Variants in TRRAP observed in about 807,000 individuals in gnomAD.
The protein encoded by TRRAP is transformation/transcription domain-associated protein.
In TRRAP, 41 loss-of-function variants were observed where a neutral mutation model predicts 438.8. The ratio of observed to expected loss-of-function variants is 0.09; its 90% CI spans 0.07 to 0.12. The LOEUF is 0.12. Ranked by LOEUF, TRRAP falls within the 10% of genes least tolerant of loss-of-function variation. TRRAP has a pLI of 1.00. For synonymous variants in TRRAP, 1,994 were observed against 1,962.9 expected (o/e 1.02, Z -0.42); for missense variants, 3,122 against 5,055.1 (o/e 0.62, Z 11.60).
chr7:98,942,046 T>G (rs1200679642), intron 30 of TRRAP, among the ~76,000 whole-genome samples: 4 of 152,234 alleles, frequency 2.6e-5, no homozygotes, highest in African/African-American at 7.2e-5. Context: ...AATATGCAAC[T>G]GTTATTGAAT....
intron 3 of TRRAP, among the ~76,000 whole-genome samples, chr7:98,885,740 C>T (rs1377544280): frequency 6.6e-6 from 1 of 152,056 alleles, no homozygotes; most frequent in Non-Finnish European, 1.5e-5. Flanking sequence ...ATTGGAAGAA[C>T]TGATCTGAGA....
At chr7:98,889,861 A>G (rs922354540) in intron 3 of TRRAP, among the ~76,000 whole-genome samples, 1 of 152,068 alleles carries the variant, frequency 6.6e-6, no homozygotes, top group Non-Finnish European at 1.5e-5. Flanking sequence ...AGCCCTTCCT[A>G]TTCTACTTTT....
At chr7:98,887,755 A>G (rs1554404186) in intron 3 of TRRAP, among the ~76,000 whole-genome samples, 1 of 139,798 alleles carries the variant, frequency 7.2e-6, no homozygotes, top group Non-Finnish European at 1.6e-5. Flanking sequence ...AAAAAACTGC[A>G]ATGGTTTTCT....
At chr7:98,978,409 T>A (rs1792767178) in intron 57 of TRRAP, 86 bp downstream of exon 57, 1 of 1,239,622 alleles carries the variant, frequency 8.1e-7, no homozygotes, top group Non-Finnish European at 1.2e-6. Context: ...TAATGAGCGT[T>A]TTTTAAAGAA....
At chr7:98,940,739 C>A (rs1299787157) in intron 30 of TRRAP, among the ~76,000 whole-genome samples, 1 of 152,184 alleles carries the variant, frequency 6.6e-6, no homozygotes, top group Non-Finnish European at 1.5e-5. Context: ...CTGGACTTAA[C>A]GTTGACGGTG....
intron 6 of TRRAP, among the ~76,000 whole-genome samples, chr7:98,894,298 T>C (rs1796097083): frequency 6.6e-6 from 1 of 152,164 alleles, no homozygotes. Context: ...ACAATAATCA[T>C]AGTATGTCCT....
At chr7:98,983,587 G>A (rs764072381) in intron 60 of TRRAP, 128 bp downstream of exon 60, 45 of 1,048,796 alleles carry the variant, frequency 4.3e-5, no homozygotes, top group Non-Finnish European at 6.1e-5. Flanking sequence ...CTATTTTGGG[G>A]TAGGGAATGA....
At chr7:98,989,607 A>T (rs981819096) in intron 63 of TRRAP, among the ~76,000 whole-genome samples, 2 of 152,236 alleles carry the variant, frequency 1.3e-5, no homozygotes, top group Admixed American at 1.3e-4. Flanking sequence ...TTTAACATAA[A>T]AATTTGGAAT....
intron 26 of TRRAP, among the ~76,000 whole-genome samples, chr7:98,933,031 AAGAG>A (rs1182697303): frequency 4.7e-5 from 7 of 150,308 alleles, no homozygotes; most frequent in South Asian, 2.1e-4. Flanking sequence ...TTAATTTTTA[AAGAG>A]AGAGAGGTTA....
At chr7:98,957,487 T>G (rs1297110928) in intron 43 of TRRAP, among the ~76,000 whole-genome samples, 2 of 152,242 alleles carry the variant, frequency 1.3e-5, no homozygotes, top group Non-Finnish European at 1.5e-5. Flanking sequence ...TTCCCCTTGC[T>G]TGAGCCCTCG....
chr7:98,979,004 G>T, intron 58 of TRRAP, 100 bp downstream of exon 58: 1 of 1,483,726 alleles, frequency 6.7e-7, no homozygotes. Context: ...CATTTTGGCA[G>T]TGGAAAGACA....
rs796184656 is a variant in TRRAP, at chr7:98,981,150, C to T, written c.8635-619C>T. ...GGCACGGTGGCTCATGCCTGTAATC[C>T]CAGCACTTTGGGAGGCTGAGGCAGG... On this transcript the variant is annotated intron_variant, in intron 58 of 72. Transcript: ENST00000456197. 2.0e-5 allele frequency among the ~76,000 whole-genome samples: 3 copies of T among 152,106 alleles called. No homozygotes were observed. The East Asian group carries it at 5.8e-4, about 29-fold the overall frequency.
At position 98,878,556 on chromosome 7, in the gene TRRAP, CCGAGCGGTTGCGA is replaced by C. The variant is rs1348546858; in HGVS notation, c.-138_-126del. On this transcript the variant is annotated 5_prime_UTR_variant, in exon 1 of 73. Transcript: ENST00000456197. ...TAAGCGGGGGCGGGACTGCGCGCGG[CCGAGCGGTTGCGA>C]CGAGGGCTCGGCTGGGGGTCGCCGG... 5.9e-5 allele frequency: 9 copies of C among 151,432 alleles called. No individual in the cohort carries two copies. Among genetic ancestry groups the C allele is most frequent in the African/African-American group, 2.2e-4 (9 of 41,340 alleles). 9.4% of individuals were successfully genotyped at this position (151,432 alleles called of 1,614,324 possible).
In TRRAP at chr7:98,955,027, C is replaced by T. The variant is rs1554419222; in HGVS notation, c.5731-71C>T. The T allele has an allele frequency of 4.0e-6, 6 of 1,493,990 alleles. No homozygotes were observed. In the Admixed American group the frequency reaches 1.2e-4, roughly 30 times the overall value. 92.5% of individuals were successfully genotyped at this position (1,493,990 alleles called of 1,614,324 possible). ...TTTGGAAAAGTAGCATGTCTTGACA[C>T]CAAGGGATTGTCTTCTTATTTCTTA... On this transcript the variant is annotated intron_variant, in intron 40 of 72. Transcript: ENST00000456197.
At chr7:98,957,644 C>T (rs1263082286) in intron 43 of TRRAP, among the ~76,000 whole-genome samples, 1 of 152,302 alleles carries the variant, frequency 6.6e-6, no homozygotes, top group East Asian at 1.9e-4. Flanking sequence ...CAGGATGTGT[C>T]CCCTGGCCTT....
intron 21 of TRRAP, 107 bp from the exon 22 acceptor site, chr7:98,925,004 CA>C (rs782031495): frequency 0.17 from 169,758 of 1,007,396 alleles, 262 homozygotes; most frequent in South Asian, 0.23. Flanking sequence ...GACTCCGTCT[CA>C]AAAAAAAAAA....
intron 67 of TRRAP, among the ~76,000 whole-genome samples, chr7:98,997,482 G>GAAAAAAAAAAAAAAAAAAAAAAAA (rs1562977777): frequency 2.5e-5 from 1 of 39,298 alleles, no homozygotes; most frequent in Non-Finnish European, 4.4e-5. Flanking sequence ...CACTGCTGTT[G>GAAAAAAAAAAAAAAAAAAAAAAAA]CAAAAAAAAA....
chr7:98,925,280 C>A lies in TRRAP; in HGVS notation c.2975+17C>A, dbSNP rs376875302. ...ACACCCCAAGTATGTCGGCCACTTCCTTCTGTGTGGTTGGGTGGATCCTGT... is the reference window on the plus strand; with the variant it reads ...ACACCCCAAGTATGTCGGCCACTTCATTCTGTGTGGTTGGGTGGATCCTGT... On this transcript the variant is annotated intron_variant, in intron 22 of 72. Coordinates refer to ENST00000456197, the MANE Select transcript of TRRAP (RefSeq NM_001375524.1). The A allele has an allele frequency of 6.2e-7, 1 of 1,611,946 alleles. No individual in the cohort carries two copies. Among genetic ancestry groups the A allele is most frequent in the East Asian group, 2.2e-5 (1 of 44,864 alleles).
intron 5 of TRRAP, among the ~76,000 whole-genome samples, chr7:98,893,314 A>G (rs6956697): frequency 0.15 from 22,462 of 152,114 alleles, 5,207 homozygotes; most frequent in African/African-American, 0.5. Flanking sequence ...ATGAGCTTGG[A>G]TTCTGTCTTG....
Sources: gnomAD v4.1 joint callset for allele counts (sites outside exome capture counted in the v4.1 genomes callset) on GRCh38, gnomAD v4.1.1 for gene constraint, MANE v1.5 for transcripts, NCBI Gene and HGNC (gene_info 2026-07-23, HGNC 2026-07-21) for gene names.